Variants in ELMO1 observed in about 807,000 individuals in gnomAD.
ELMO1 encodes engulfment and cell motility protein 1.
Under a neutral mutation model 98.9 loss-of-function variants are expected in ELMO1, and 26 were observed. The ratio of observed to expected loss-of-function variants is 0.26; its 90% CI spans 0.19 to 0.36. The LOEUF is 0.36. ELMO1 is among the 10% of genes least tolerant of loss of function. The pLI is 1.00. For missense variants in ELMO1, 627 were observed against 935.2 expected (o/e 0.67, Z 4.30); for synonymous variants, 346 against 346.0 (o/e 1.00, Z 0.00).
At chr7:37,037,396 T>C (rs1009881724) in intron 15 of ELMO1, among the ~76,000 whole-genome samples, 8 of 152,168 alleles carry the variant, frequency 5.3e-5, no homozygotes, top group Admixed American at 6.5e-5. Flanking sequence ...CGGCCATTCT[T>C]TTACTGGGTT....
chr7:37,410,479 A>G (rs1554308234), intron 1 of ELMO1, among the ~76,000 whole-genome samples: 1 of 152,194 alleles, frequency 6.6e-6, no homozygotes, highest in Non-Finnish European at 1.5e-5. Context: ...GCCACTAAAA[A>G]GCAGGGACAG....
At chr7:36,921,034 C>T (rs2129074427) in intron 16 of ELMO1, among the ~76,000 whole-genome samples, 1 of 152,170 alleles carries the variant, frequency 6.6e-6, no homozygotes, top group East Asian at 1.9e-4. Context: ...TAAAAGAGGT[C>T]CAAGGGAGCT....
At chr7:37,271,811 C>T (rs1442822034) in intron 5 of ELMO1, 21 bp downstream of exon 5, 1 of 1,612,220 alleles carries the variant, frequency 6.2e-7, no homozygotes, top group Non-Finnish European at 8.5e-7. Context: ...TGCTGGAAGT[C>T]AGAAGCTAAG....
intron 4 of ELMO1, among the ~76,000 whole-genome samples, chr7:37,297,192 T>C (rs925427818): frequency 2.0e-5 from 3 of 152,236 alleles, no homozygotes; most frequent in African/African-American, 7.2e-5. Context: ...CTCCTATCCA[T>C]TATCAGAGTT....
intron 1 of ELMO1, among the ~76,000 whole-genome samples, chr7:37,416,716 C>A (rs897890582): frequency 3.3e-5 from 5 of 152,182 alleles, no homozygotes; most frequent in Admixed American, 1.3e-4. Context: ...GGAAGCCCAA[C>A]GAAGAAAGTA....
intron 4 of ELMO1, among the ~76,000 whole-genome samples, chr7:37,290,934 G>T (rs758379067): frequency 2.0e-5 from 3 of 152,056 alleles, no homozygotes; most frequent in Non-Finnish European, 2.9e-5. Flanking sequence ...TGACACTGAA[G>T]AAGAGAAGAG....
chr7:37,320,961 A>G (rs760430874), intron 2 of ELMO1, among the ~76,000 whole-genome samples: 2 of 152,198 alleles, frequency 1.3e-5, no homozygotes, highest in African/African-American at 2.4e-5. Flanking sequence ...ACTACTCCCT[A>G]TGCAGAATGA....
At chr7:37,329,840 G>A (rs1055733876) in intron 2 of ELMO1, among the ~76,000 whole-genome samples, 1 of 152,086 alleles carries the variant, frequency 6.6e-6, no homozygotes, top group East Asian at 1.9e-4. Context: ...ATGTCACAAC[G>A]GGGACACATA....
intron 15 of ELMO1, among the ~76,000 whole-genome samples, chr7:37,015,776 G>A (rs899852746): frequency 1.3e-5 from 2 of 152,192 alleles, no homozygotes; most frequent in Non-Finnish European, 2.9e-5. Context: ...CCTGCCTACT[G>A]TTTCCAGGAA....
intron 20 of ELMO1, among the ~76,000 whole-genome samples, chr7:36,869,817 T>C (rs1388516491): frequency 2.6e-5 from 4 of 152,190 alleles, no homozygotes; most frequent in African/African-American, 9.7e-5. Context: ...GCTTAAGTAA[T>C]ACACACTTCT....
At chr7:37,238,219 A>T (rs528183318) in intron 7 of ELMO1, among the ~76,000 whole-genome samples, 1 of 152,150 alleles carries the variant, frequency 6.6e-6, no homozygotes, top group South Asian at 2.1e-4. Context: ...TTAGGTCTTT[A>T]TTTCCCCTCA....
intron 15 of ELMO1, among the ~76,000 whole-genome samples, chr7:37,080,600 A>ATTTTTT (rs764259726): frequency 2.4e-4 from 25 of 105,204 alleles, no homozygotes; most frequent in South Asian, 3.4e-4. Context: ...ACCACGCCTA[A>ATTTTTT]TTTTTTTTTT....
At chr7:37,440,553 G>A (rs547076549) in intron 1 of ELMO1, among the ~76,000 whole-genome samples, 141 of 151,872 alleles carry the variant, frequency 9.3e-4, no homozygotes, top group South Asian at 5.2e-3. Context: ...GGTGGATCAC[G>A]AGGTCAGGAG....
chr7:37,100,637 G>C (rs1017456232), intron 14 of ELMO1, among the ~76,000 whole-genome samples: 2 of 152,210 alleles, frequency 1.3e-5, no homozygotes, highest in Non-Finnish European at 2.9e-5. Flanking sequence ...GCCAGCCCTT[G>C]AGGGCTTGAG....
chr7:37,009,362 T>C (rs1166707259), intron 16 of ELMO1, among the ~76,000 whole-genome samples: 2 of 152,218 alleles, frequency 1.3e-5, no homozygotes, highest in African/African-American at 4.8e-5. Context: ...GAAAGTACTT[T>C]TCAAAGCATA....
chr7:37,169,447 G>A (rs191661633), intron 13 of ELMO1, among the ~76,000 whole-genome samples: 1 of 152,308 alleles, frequency 6.6e-6, no homozygotes, highest in African/African-American at 2.4e-5. Flanking sequence ...CACGCTGGGA[G>A]CTGTAGACCA....
chr7:37,042,919 T>A (rs1795603018), intron 15 of ELMO1, among the ~76,000 whole-genome samples: 1 of 152,254 alleles, frequency 6.6e-6, no homozygotes, highest in African/African-American at 2.4e-5. Flanking sequence ...TTCTGATACA[T>A]GATATTTTCT....
At chr7:37,391,919 C>G (rs975605385) in intron 1 of ELMO1, among the ~76,000 whole-genome samples, 1 of 152,182 alleles carries the variant, frequency 6.6e-6, no homozygotes, top group Non-Finnish European at 1.5e-5. Flanking sequence ...GTGTACCCCC[C>G]TAAGAAAGCA....
At chr7:37,125,186 A>G (rs1039027542) in intron 14 of ELMO1, among the ~76,000 whole-genome samples, 310 of 152,192 alleles carry the variant, frequency 2.0e-3, no homozygotes, top group Middle Eastern at 6.8e-3. Context: ...AAAAACCCTA[A>G]AAGAAAACCT....
Sources: allele counts gnomAD v4.1 joint callset (sites outside exome capture counted in the v4.1 genomes callset), GRCh38; gene constraint gnomAD v4.1.1; transcripts MANE v1.5; gene names NCBI Gene and HGNC (gene_info 2026-07-23, HGNC 2026-07-21).